The following GBE1 variants were observed in gnomAD, a reference collection of about 807,000 sequenced individuals.
The protein encoded by GBE1 is 1,4-alpha-glucan branching enzyme 1, also known as 1,4-alpha-glucan-branching enzyme.
GBE1 carries 70 observed loss-of-function variants against 88.8 expected under a neutral mutation model. The observed-to-expected ratio is 0.79, with a 90% CI of 0.65 to 0.96. The LOEUF is 0.96. Ranked by LOEUF, GBE1 falls within the 40% of genes least tolerant of loss-of-function variation. GBE1 has a pLI of 0.00. For missense variants in GBE1, 872 were observed against 871.0 expected, an observed-to-expected ratio of 1.00 and a Z score of -0.01; for synonymous variants, 284 against 300.1, an observed-to-expected ratio of 0.95 and a Z score of 0.56.
intron 7 of GBE1, among the ~76,000 whole-genome samples, chr3:81,605,575 T>C (rs1477918149): frequency 1.3e-5 from 2 of 152,198 alleles, no homozygotes; most frequent in Non-Finnish European, 2.9e-5. Context: ...CTTACAAATA[T>C]ATATTGAATG....
intron 12 of GBE1, among the ~76,000 whole-genome samples, chr3:81,549,223 T>G: frequency 6.7e-6 from 1 of 149,992 alleles, no homozygotes. Flanking sequence ...AGAGATGGGG[T>G]TTCACCTTCT....
At chr3:81,761,336 C>T in intron 1 of GBE1, 39 bp downstream of exon 1, 2 of 1,573,998 alleles carry the variant, frequency 1.3e-6, no homozygotes, top group South Asian at 2.3e-5. Flanking sequence ...GGGAGGCGGG[C>T]TGCCTGTCTA....
intron 2 of GBE1, among the ~76,000 whole-genome samples, chr3:81,693,410 CA>C (rs896363603): frequency 2.0e-5 from 3 of 151,478 alleles, no homozygotes; most frequent in African/African-American, 7.3e-5. Flanking sequence ...ATTTTTATAC[CA>C]AAAAAATCAC....
intron 1 of GBE1, among the ~76,000 whole-genome samples, chr3:81,709,291 A>G (rs1705820884): frequency 6.6e-6 from 1 of 152,154 alleles, no homozygotes; most frequent in African/African-American, 2.4e-5. Context: ...AACTCTTTAA[A>G]TCATATGAGA....
At chr3:81,604,838 T>A (rs1377511346) in intron 7 of GBE1, among the ~76,000 whole-genome samples, 4 of 152,126 alleles carry the variant, frequency 2.6e-5, no homozygotes, top group African/African-American at 9.7e-5. Context: ...TTTTCTTCCT[T>A]TCCCCCCACA....
intron 14 of GBE1, among the ~76,000 whole-genome samples, chr3:81,528,958 T>C (rs1421160939): frequency 1.3e-5 from 2 of 152,096 alleles, no homozygotes; most frequent in Non-Finnish European, 2.9e-5. Context: ...GAGAGTTCAG[T>C]CCATTTACAT....
At chr3:81,627,634 A>T (rs116089355) in intron 7 of GBE1, among the ~76,000 whole-genome samples, 1 of 152,168 alleles carries the variant, frequency 6.6e-6, no homozygotes, top group Non-Finnish European at 1.5e-5. Flanking sequence ...GTGATACATC[A>T]ATTCGAGCTC....
intron 7 of GBE1, among the ~76,000 whole-genome samples, chr3:81,628,742 CATATATATATATATATATATATATATAT>C (rs71108330): frequency 0.017 from 1,106 of 65,436 alleles, 35 homozygotes; most frequent in South Asian, 0.032. Context: ...AGAACAATTG[CATATATATATATATATATATATATATAT>C]ATATATATAT....
At chr3:81,701,931 T>A (rs187508592) in intron 2 of GBE1, among the ~76,000 whole-genome samples, 19 of 151,340 alleles carry the variant, frequency 1.3e-4, no homozygotes, top group Admixed American at 1.3e-3. Flanking sequence ...ATAGCATTTA[T>A]ATTTGATTAT....
chr3:81,642,636 A>G (rs1379466287), intron 7 of GBE1, 145 bp downstream of exon 7: 3 of 616,812 alleles, frequency 4.9e-6, no homozygotes, highest in South Asian at 2.0e-5. Flanking sequence ...AAAACAAGGT[A>G]AAATCCCCTG....
intron 15 of GBE1, among the ~76,000 whole-genome samples, chr3:81,496,217 G>T (rs1442782082): frequency 6.6e-6 from 1 of 152,168 alleles, no homozygotes; most frequent in African/African-American, 2.4e-5. Context: ...TATCGCTTTT[G>T]GACATTTGTG....
chr3:81,631,502 C>T (rs1302595725), intron 7 of GBE1, among the ~76,000 whole-genome samples: 1 of 151,494 alleles, frequency 6.6e-6, no homozygotes, highest in East Asian at 1.9e-4. Flanking sequence ...TTTGGAAGGC[C>T]AAGGTGGGCA....
chr3:81,710,811 C>T (rs576658484), intron 1 of GBE1, among the ~76,000 whole-genome samples: 17 of 152,238 alleles, frequency 1.1e-4, no homozygotes, highest in African/African-American at 2.6e-4. Flanking sequence ...AGCAACATTA[C>T]GATTTTTCCC....
At chr3:81,684,438 T>C (rs1705402736) in intron 2 of GBE1, among the ~76,000 whole-genome samples, 1 of 152,208 alleles carries the variant, frequency 6.6e-6, no homozygotes, top group Admixed American at 6.5e-5. Context: ...GGTCCAATTC[T>C]TGATAGCTCT....
rs539946279 is a variant in GBE1, at chr3:81,510,308, G to A, written c.1935-11081C>T. Among the ~76,000 whole-genome samples, 2 of 152,210 alleles carry A rather than the reference G, an allele frequency of 1.3e-5. 1 individual carries two copies. Among genetic ancestry groups the A allele is most frequent in the South Asian group, 4.1e-4 (2 of 4,826 alleles). Reference sequence around the variant, plus strand: ...TCTGATTATTTTAGCTGTGGTGGTAGAAACATAATTTTTCTTTATTTGAAG... The same window carrying A: ...TCTGATTATTTTAGCTGTGGTGGTAAAAACATAATTTTTCTTTATTTGAAG... On this transcript the variant is annotated intron_variant, in intron 14 of 15. Transcript: ENST00000429644.
chr3:81,668,274 T>C (rs1705141901), intron 3 of GBE1, among the ~76,000 whole-genome samples: 1 of 152,202 alleles, frequency 6.6e-6, no homozygotes, highest in East Asian at 1.9e-4. Context: ...CAAACCACCA[T>C]GGCACACGTA....
chr3:81,750,605 A>ATATATATATGTATATGTG (rs1706500524), intron 1 of GBE1, among the ~76,000 whole-genome samples: 1 of 35,540 alleles, frequency 2.8e-5, no homozygotes, highest in African/African-American at 1.4e-4. Context: ...ATATATGTGT[A>ATATATATATGTATATGTG]TATATATATA....
chr3:81,739,178 T>C (rs1284659602), intron 1 of GBE1, among the ~76,000 whole-genome samples: 2 of 152,132 alleles, frequency 1.3e-5, no homozygotes, highest in Non-Finnish European at 2.9e-5. Flanking sequence ...GATTCCAATA[T>C]ATAAATTTCG....
intron 1 of GBE1, among the ~76,000 whole-genome samples, chr3:81,724,035 T>C (rs1016858623): frequency 1.3e-5 from 2 of 152,174 alleles, no homozygotes; most frequent in Admixed American, 1.3e-4. Flanking sequence ...TTTAACTTGC[T>C]ACTAGAATCA....
Sources: gnomAD v4.1 joint callset for allele counts (sites outside exome capture counted in the v4.1 genomes callset) on GRCh38, gnomAD v4.1.1 for gene constraint, MANE v1.5 for transcripts, NCBI Gene and HGNC (gene_info 2026-07-23, HGNC 2026-07-21) for gene names.